Variants in ITCH observed in about 807,000 individuals in gnomAD.
ITCH encodes E3 ubiquitin-protein ligase Itchy homolog.
ITCH carries 28 observed loss-of-function variants against 126.8 expected under a neutral mutation model. The observed-to-expected ratio is 0.22, with a 90% confidence interval of 0.16 to 0.30. ITCH has a LOEUF of 0.30. Ranked by LOEUF, ITCH falls within the 10% of genes least tolerant of loss-of-function variation. The pLI, the probability that ITCH is intolerant of heterozygous loss-of-function variation, is 1.00. For synonymous variants in ITCH, 342 were observed against 340.0 expected, an observed-to-expected ratio of 1.01 and a Z score of -0.06; for missense variants, 631 against 1,032.4, an observed-to-expected ratio of 0.61 and a Z score of 5.33.
chr20:34,391,832 A>G (rs1171792335), intron 2 of ITCH, among the ~76,000 whole-genome samples: 1 of 152,126 alleles, frequency 6.6e-6, no homozygotes, highest in Non-Finnish European at 1.5e-5. Flanking sequence ...CATGAAGTTA[A>G]TTTTAGTTTT....
Position 34,509,883 on chromosome 20 carries a change from A to G in ITCH, c.*2089A>G, listed in dbSNP as rs1978581508. ...ACAATATTTACTAGAGATTTATGAA[A>G]TTAAATTAAGAGATAATGTAAGAAA... On this transcript the variant is annotated 3_prime_UTR_variant, in exon 25 of 25. Coordinates refer to ENST00000374864, the MANE Select transcript of ITCH (RefSeq NM_031483.7). 2 of 151,434 alleles carry G rather than the reference A, an allele frequency of 1.3e-5. No homozygotes were observed. The highest frequency in any genetic ancestry group is 3.0e-5 in the Non-Finnish European group (2 of 67,760). The allele number at this position is 151,434 out of a possible 1,614,324, so 9.4% of individuals were successfully genotyped here.
intron 24 of ITCH, among the ~76,000 whole-genome samples, chr20:34,506,371 AT>A (rs1245169383): frequency 6.6e-6 from 1 of 152,218 alleles, no homozygotes; most frequent in Non-Finnish European, 1.5e-5. Flanking sequence ...AACATTTTTC[AT>A]CTTGTAAAAT....
At position 34,393,899 on chromosome 20, in the gene ITCH, C is replaced by G. The variant is rs367840026; in HGVS notation, c.70+18C>G. 2.5e-6 allele frequency: 4 copies of G among 1,604,882 alleles called. No individual in the cohort carries two copies. In the Admixed American group the frequency reaches 6.7e-5, roughly 27 times the overall value. ...GATCACTGGTAAGTTTTAGAAACAT[C>G]GGCTGCTTTACTTTATTTTTCCCCG... On this transcript the variant is annotated intron_variant, in intron 3 of 24. Transcript: ENST00000374864.
chr20:34,438,608 C>T lies in ITCH; in HGVS notation c.656C>T (p.Pro219Leu), dbSNP rs769071760. The T allele has an allele frequency of 6.2e-7, 1 of 1,614,022 alleles. No individual in the cohort carries two copies. The highest frequency in any genetic ancestry group is 2.2e-5 in the East Asian group (1 of 44,868). Residue 219 changes from proline to leucine, a missense_variant, in exon 8 of 25, where the codon CCA (proline) becomes CTA (leucine). Transcript: ENST00000374864. The stretch of plus-strand genomic sequence containing the variant: ...AGACCTCCAAGACCTTCACGACCAC[C>T]ACCACCCACCCCACGTAGACCAGGT... Reference protein sequence around the residue: ...PSRPPRPSRPPPPTPRRPASV... With the variant: ...PSRPPRPSRPLPPTPRRPASV...
intron 3 of ITCH, among the ~76,000 whole-genome samples, chr20:34,403,141 A>T (rs1178844750): frequency 2.0e-5 from 3 of 152,042 alleles, no homozygotes; most frequent in Non-Finnish European, 4.4e-5. Flanking sequence ...TTGATCTCTT[A>T]CCTGGTTCAT....
In ITCH at chr20:34,457,592, A is replaced by G. The variant is rs534874069; in HGVS notation, c.1295+118A>G. 3.3e-4 allele frequency: 234 copies of G among 717,592 alleles called. No homozygotes were observed. In the African/African-American group the frequency reaches 3.8e-3, roughly 12 times the overall value. The allele number at this position is 717,592 out of a possible 1,614,324, so 44.5% of individuals were successfully genotyped here. The stretch of plus-strand genomic sequence containing the variant: ...AAGACCTAAAACGTTAATCACCTAC[A>G]TACTTTGGAAAGAGAAAATTATACT... On this transcript the variant is annotated intron_variant, in intron 13 of 24. Transcript: ENST00000374864.
chr20:34,408,614 C>G (rs1461859678), intron 3 of ITCH, 37 bp from the exon 4 acceptor site: 1 of 1,545,862 alleles, frequency 6.5e-7, no homozygotes, highest in African/African-American at 1.4e-5. Flanking sequence ...GAATTAACAT[C>G]TCAACTATTG....
intron 16 of ITCH, among the ~76,000 whole-genome samples, chr20:34,477,511 G>A (rs537050255): frequency 3.9e-5 from 6 of 152,282 alleles, no homozygotes; most frequent in South Asian, 4.1e-4. Context: ...CCTGGGCAAC[G>A]AGGGAGAGAC....
At chr20:34,500,740 C>T (rs1236428558) in intron 23 of ITCH, among the ~76,000 whole-genome samples, 5 of 152,050 alleles carry the variant, frequency 3.3e-5, no homozygotes, top group African/African-American at 9.7e-5. Flanking sequence ...TTTATATATC[C>T]GTCGTTCCTT....
chr20:34,398,534 G>A (rs1416099328), intron 3 of ITCH, among the ~76,000 whole-genome samples: 4 of 151,014 alleles, frequency 2.6e-5, no homozygotes, highest in Non-Finnish European at 5.9e-5. Flanking sequence ...AGATAGCTGG[G>A]ATTACAGGCA....
chr20:34,477,704 A>G (rs560952779), intron 16 of ITCH, 68 bp from the exon 17 acceptor site: 21 of 1,455,464 alleles, frequency 1.4e-5, no homozygotes, highest in South Asian at 9.2e-5. Context: ...GGAGATGTCA[A>G]ACCTAGAAGT....
At chr20:34,507,263 GTTTTTTTTT>G (rs776161631) in intron 24 of ITCH, among the ~76,000 whole-genome samples, 2 of 39,162 alleles carry the variant, frequency 5.1e-5, no homozygotes, top group African/African-American at 2.2e-4. Context: ...GTTTTCTTCT[GTTTTTTTTT>G]TTTTTTTTTT....
chr20:34,472,582 A>G (rs1009465501), intron 16 of ITCH, among the ~76,000 whole-genome samples: 29 of 152,350 alleles, frequency 1.9e-4, no homozygotes, highest in Middle Eastern at 6.8e-3. Flanking sequence ...TTCAAGCACC[A>G]GTGGTATTGT....
intron 12 of ITCH, among the ~76,000 whole-genome samples, chr20:34,455,861 G>A (rs1399814407): frequency 6.6e-6 from 1 of 151,852 alleles, no homozygotes; most frequent in Non-Finnish European, 1.5e-5. Flanking sequence ...AAAACAGGGA[G>A]AATCCTAAAG....
chr20:34,463,588 C>T lies in ITCH; in HGVS notation c.1424+1367C>T, dbSNP rs116668397. Among the ~76,000 whole-genome samples, 1,190 of 151,748 alleles carry T rather than the reference C, an allele frequency of 7.8e-3. 15 individuals carry two copies. Among genetic ancestry groups the T allele is most frequent in the African/African-American group, 0.027 (1,131 of 41,428 alleles). ...GTGCAGAAGAATTCCAATTTCTGTACGTTCTCATCAACTCTTCTGTTTTTT... is the reference window on the plus strand; with the variant it reads ...GTGCAGAAGAATTCCAATTTCTGTATGTTCTCATCAACTCTTCTGTTTTTT... On this transcript the variant is annotated intron_variant, in intron 14 of 24. Transcript: ENST00000374864.
At chr20:34,382,061 T>C (rs1455626235) in intron 2 of ITCH, among the ~76,000 whole-genome samples, 1 of 152,222 alleles carries the variant, frequency 6.6e-6, no homozygotes, top group East Asian at 1.9e-4. Flanking sequence ...TTCTTTGGAA[T>C]AGTATTTCTA....
chr20:34,411,885 A>G (rs928738892), intron 4 of ITCH, among the ~76,000 whole-genome samples: 2 of 152,196 alleles, frequency 1.3e-5, no homozygotes, highest in Admixed American at 6.5e-5. Flanking sequence ...TTAGCAAGGA[A>G]TGAGTGAGTC....
At chr20:34,425,229 A>T (rs1981343501) in intron 7 of ITCH, among the ~76,000 whole-genome samples, 1 of 152,270 alleles carries the variant, frequency 6.6e-6, no homozygotes, top group African/African-American at 2.4e-5. Flanking sequence ...GTTTGCAGGC[A>T]GTATGCCTGG....
At chr20:34,430,526 T>C (rs1449052209) in intron 7 of ITCH, among the ~76,000 whole-genome samples, 2 of 152,220 alleles carry the variant, frequency 1.3e-5, no homozygotes, top group Admixed American at 1.3e-4. Context: ...CAGATGGGAA[T>C]GCAGTGACGC....
Sources: gnomAD v4.1 joint callset for allele counts (sites outside exome capture counted in the v4.1 genomes callset) on GRCh38, gnomAD v4.1.1 for gene constraint, MANE v1.5 for transcripts, NCBI Gene and HGNC (gene_info 2026-07-23, HGNC 2026-07-21) for gene names.